Variants in SERINC2 observed in about 807,000 individuals in gnomAD.
The protein encoded by SERINC2 is serine incorporator 2, also known as tumor differentially expressed protein 2.
A neutral mutation model predicts 54.2 loss-of-function variants in SERINC2; 56 were observed. That is an observed-to-expected ratio of 1.03 (90% CI 0.83 to 1.29). The LOEUF is 1.29. Ranked by LOEUF, SERINC2 falls within the 50% of genes most tolerant of loss-of-function variation. The probability of loss-of-function intolerance (pLI) is 0.00; values close to 1 mark genes in which losing one functional copy is unlikely to be tolerated. For synonymous variants in SERINC2, 272 were observed against 253.1 expected, an observed-to-expected ratio of 1.07 and a Z score of -0.71; for missense variants, 614 against 607.4, an observed-to-expected ratio of 1.01 and a Z score of -0.12.
intron 8 of SERINC2, among the ~76,000 whole-genome samples, chr1:31,431,828 TGGA>T (rs1557499953): frequency 3.3e-4 from 48 of 143,338 alleles, no homozygotes; most frequent in African/African-American, 1.2e-3. Context: ...GTGGATAGGG[TGGA>T]TAGGGTGGAT....
rs111456362 is a variant in SERINC2 at position 31,429,022 on chromosome 1, C to T, written c.825C>T (p.Thr275=). The T allele has an allele frequency of 3.7e-5, 59 of 1,613,966 alleles. No individual in the cohort carries two copies. In the African/African-American group the frequency reaches 5.6e-4, roughly 15 times the overall value. Residue 275 remains threonine, a synonymous_variant, in exon 7 of 10, where the codon ACC becomes ACT. Coordinates refer to ENST00000373709, the MANE Select transcript of SERINC2 (RefSeq NM_178865.5). ...NSGLLQASVI[T]LYTMFVTWSA... ...GTCTGCTGCAGGCCTCGGTCATCAC[C>T]CTCTACACCATGTTTGTCACCTGGT...
upstream of SERINC2, among the ~76,000 whole-genome samples, chr1:31,410,989 G>A (rs1210035991): frequency 1.3e-5 from 2 of 152,186 alleles, no homozygotes; most frequent in Non-Finnish European, 2.9e-5. Flanking sequence ...TGTAGGGTAT[G>A]TTTTTGGATC....
In SERINC2 at chr1:31,425,483, G is replaced by C; in HGVS notation, c.472+74G>C. On this transcript the variant is annotated intron_variant, in intron 4 of 9. Coordinates refer to ENST00000373709, the MANE Select transcript of SERINC2 (RefSeq NM_178865.5). The stretch of plus-strand genomic sequence containing the variant: ...GGCGGCAGGTTGGAGGAACGTGGTG[G>C]GGCTGCTCTTTGCTGGGGCACACAG... 3 of 1,142,566 alleles carry C rather than the reference G, an allele frequency of 2.6e-6. No individual in the cohort carries two copies. In the East Asian group the frequency reaches 7.0e-5, roughly 27 times the overall value. The allele number at this position is 1,142,566 out of a possible 1,614,324, so 70.8% of individuals were successfully genotyped here.
rs113775292 is a variant in SERINC2, at chr1:31,413,260, G to C, written c.-6G>C. 8.2e-7 allele frequency: 1 copy of C among 1,213,096 alleles called. No homozygotes were observed. The highest frequency in any genetic ancestry group is 1.0e-6 in the Non-Finnish European group (1 of 975,908). 75.1% of individuals were successfully genotyped at this position (1,213,096 alleles called of 1,614,324 possible). On this transcript the variant is annotated 5_prime_UTR_variant, in exon 1 of 10. Coordinates refer to ENST00000373709, the MANE Select transcript of SERINC2 (RefSeq NM_178865.5). This position sits in a 1 kb window ranked among gnomAD's most constrained non-coding sequence, Gnocchi z 5.0. ...CGCCGGGCGCCCGAAGCCGGGAGCCGCCGCCATGGGGGCCTGCCTGGGAGC... is the reference window on the plus strand; with the variant it reads ...CGCCGGGCGCCCGAAGCCGGGAGCCCCCGCCATGGGGGCCTGCCTGGGAGC...
At chr1:31,422,386 A>G (rs1640925497) in intron 1 of SERINC2, among the ~76,000 whole-genome samples, 1 of 151,882 alleles carries the variant, frequency 6.6e-6, no homozygotes, top group Non-Finnish European at 1.5e-5. Flanking sequence ...GCTATTCTCT[A>G]ACTCCTGTGC....
At chr1:31,432,194 GAGTGGAGAGAGTGGAC>G (rs1641312629) in intron 8 of SERINC2, among the ~76,000 whole-genome samples, 14 of 142,632 alleles carry the variant, frequency 9.8e-5, no homozygotes, top group Non-Finnish European at 9.4e-5. Flanking sequence ...AGGGTGGTTA[GAGTGGAGAGAGTGGAC>G]AGGGTGGAGA....
At chr1:31,425,286 G>A (rs1570046545) in intron 3 of SERINC2, 44 bp from the exon 4 acceptor site, 2 of 1,425,356 alleles carry the variant, frequency 1.4e-6, no homozygotes, top group Non-Finnish European at 2.0e-6. Context: ...CAGTTTCCCT[G>A]CCTGCACTCA....
chr1:31,423,398 A>G (rs1640947517), intron 1 of SERINC2, among the ~76,000 whole-genome samples: 1 of 151,994 alleles, frequency 6.6e-6, no homozygotes, highest in Admixed American at 6.5e-5. Context: ...TTTTTTTTAA[A>G]CTACTCTCCC....
In SERINC2 at chr1:31,413,951, G is replaced by A; in HGVS notation, c.39+647G>A. On this transcript the variant is annotated intron_variant, in intron 1 of 9. Transcript: ENST00000373709. The surrounding 1 kb of genome is among the most constrained non-coding windows in gnomAD (Gnocchi z 5.0). ...CTTTACCGTCCTCAGTCTGGCTCGC[G>A]CTGCCTCTCAGGCACTTCCCCAGCT... The A allele has an allele frequency of 6.6e-7, 1 of 1,526,040 alleles. No individual in the cohort carries two copies. Among genetic ancestry groups the A allele is most frequent in the East Asian group, 2.6e-5 (1 of 38,638 alleles). 94.5% of individuals were successfully genotyped at this position (1,526,040 alleles called of 1,614,324 possible).
intron 1 of SERINC2, chr1:31,415,923 G>A: frequency 1.0e-6 from 1 of 985,598 alleles, no homozygotes; most frequent in Non-Finnish European, 1.2e-6. Flanking sequence ...TCCTGCTTTG[G>A]ATGGGGAGGT....
In SERINC2 at chr1:31,413,968, T is replaced by C. The variant is rs1640710742; in HGVS notation, c.39+664T>C. ...TGGCTCGCGCTGCCTCTCAGGCACTTCCCCAGCTCGCCCCGGATCATCTGG... is the reference window on the plus strand; with the variant it reads ...TGGCTCGCGCTGCCTCTCAGGCACTCCCCCAGCTCGCCCCGGATCATCTGG... On this transcript the variant is annotated intron_variant, in intron 1 of 9. Transcript: ENST00000373709. The surrounding 1 kb of genome is among the most constrained non-coding windows in gnomAD (Gnocchi z 5.0). The C allele has an allele frequency of 6.5e-7, 1 of 1,528,828 alleles. No homozygotes were observed. Among genetic ancestry groups the C allele is most frequent in the East Asian group, 2.6e-5 (1 of 39,076 alleles). 94.7% of individuals were successfully genotyped at this position (1,528,828 alleles called of 1,614,324 possible).
At position 31,425,389 on chromosome 1, in the gene SERINC2, CT is replaced by C; in HGVS notation, c.453del (p.Asp152ThrfsTer71). ...VGLTVGAFYI[P>X]DGSFTNIWFY... The stretch of plus-strand genomic sequence containing the variant: ...CTCACCGTGGGTGCCTTCTACATTC[CT>C]GACGGCTCCTTCACCAACAGTAGGC... On this transcript the variant is annotated frameshift_variant, in exon 4 of 10. Coordinates refer to ENST00000373709, the MANE Select transcript of SERINC2 (RefSeq NM_178865.5). LOFTEE classifies it high-confidence loss of function. The C allele has an allele frequency of 6.2e-7, 1 of 1,611,380 alleles. No homozygotes were observed. The highest frequency in any genetic ancestry group is 8.5e-7 in the Non-Finnish European group (1 of 1,177,412).
chr1:31,414,708 A>T, intron 1 of SERINC2: 2 of 985,422 alleles, frequency 2.0e-6, no homozygotes, highest in Non-Finnish European at 2.4e-6. Flanking sequence ...GTCTCTGCCA[A>T]CAAGGGTTTG....
chr1:31,425,508 G>A (rs1278170698), intron 4 of SERINC2, 99 bp downstream of exon 4: 1 of 989,298 alleles, frequency 1.0e-6, no homozygotes, highest in African/African-American at 1.6e-5. Flanking sequence ...GGGGCACACA[G>A]ACCCCTGGCT....
At chr1:31,423,885 C>G in intron 2 of SERINC2, 31 bp downstream of exon 2, 1 of 1,605,742 alleles carries the variant, frequency 6.2e-7, no homozygotes, top group Non-Finnish European at 8.5e-7. Flanking sequence ...AGGGCGGCCT[C>G]CAGCGAGGGG....
chr1:31,416,127 C>A (rs529936697), intron 1 of SERINC2, among the ~76,000 whole-genome samples: 1 of 152,314 alleles, frequency 6.6e-6, no homozygotes, highest in Admixed American at 6.5e-5. Flanking sequence ...TGCCCATCCC[C>A]TTGTCTGTAA....
rs1274533425 is a variant in SERINC2 at position 31,413,667 on chromosome 1, G to A, written c.39+363G>A. 1.2e-6 allele frequency: 1 copy of A among 829,364 alleles called. No individual in the cohort carries two copies. The highest frequency in any genetic ancestry group is 4.3e-5 in the East Asian group (1 of 23,176). The allele number at this position is 829,364 out of a possible 1,614,324, so 51.4% of individuals were successfully genotyped here. On this transcript the variant is annotated intron_variant, in intron 1 of 9. Coordinates refer to ENST00000373709, the MANE Select transcript of SERINC2 (RefSeq NM_178865.5). The surrounding 1 kb of genome is among the most constrained non-coding windows in gnomAD (Gnocchi z 5.0). ...CGTCGCCCCACTTGGGGCGGTCCTC[G>A]GGGTGGCCTCTGTCCCCGTCCCGGA...
At chr1:31,424,543 C>T in intron 2 of SERINC2, 140 bp from the exon 3 acceptor site, 1 of 671,408 alleles carries the variant, frequency 1.5e-6, no homozygotes, top group South Asian at 2.0e-5. Flanking sequence ...TGAGGGGCTC[C>T]CCTCCCTGTC....
At chr1:31,414,094 A>G (rs1553131870) in intron 1 of SERINC2, 1 of 1,464,740 alleles carries the variant, frequency 6.8e-7, no homozygotes, top group Admixed American at 2.4e-5. Flanking sequence ...ACCGGGCGGA[A>G]CTCTGGGTTG....
Sources: allele counts gnomAD v4.1 joint callset (sites outside exome capture counted in the v4.1 genomes callset), GRCh38; gene constraint gnomAD v4.1.1; non-coding constraint Gnocchi (gnomAD v3.1); transcripts MANE v1.5; gene names NCBI Gene and HGNC (gene_info 2026-07-23, HGNC 2026-07-21).